PLEKHG7: variants seen among roughly 807,000 people sequenced by gnomAD.
The protein encoded by PLEKHG7 is pleckstrin homology and RhoGEF domain containing G7, also known as pleckstrin homology domain-containing family G member 7.
Under a neutral mutation model 85.2 loss-of-function variants are expected in PLEKHG7, and 77 were observed. The ratio of observed to expected loss-of-function variants is 0.90; its 90% CI spans 0.75 to 1.09. The LOEUF is 1.09. Among genes scored for constraint, PLEKHG7 ranks in the 50% least tolerant of loss-of-function variants. The pLI, the probability that PLEKHG7 is intolerant of heterozygous loss-of-function variation, is 0.00. For missense variants in PLEKHG7, 777 were observed against 804.3 expected (o/e 0.97, Z 0.41); for synonymous variants, 301 against 302.4 (o/e 1.00, Z 0.05).
At position 92,737,468 on chromosome 12, in the gene PLEKHG7, C is replaced by T; in HGVS notation, c.886C>T (p.Leu296Phe). ...AAAGCAGCAAGAGGCCGTGTGGGAA[C>T]TTTTCACAAGTGAATGCACCTATTT... ...LKKQQEAVWE[L>F]FTSECTYFLD... The change falls in exon 7 of 17, where the codon CTT becomes TTT. Residue 296 changes from leucine (L) to phenylalanine (F), a missense_variant. Coordinates refer to ENST00000344636, the MANE Select transcript of PLEKHG7 (RefSeq NM_001377329.1). 6.3e-7 allele frequency: 1 copy of T among 1,595,118 alleles called. No homozygotes were observed. Among genetic ancestry groups the T allele is most frequent in the Non-Finnish European group, 8.5e-7 (1 of 1,175,498 alleles).
intron 3 of PLEKHG7, among the ~76,000 whole-genome samples, chr12:92,726,491 CA>C (rs1871822563): frequency 6.6e-6 from 1 of 152,132 alleles, no homozygotes; most frequent in Non-Finnish European, 1.5e-5. Flanking sequence ...GGTCAGTAAA[CA>C]GAAGAAATTG....
chr12:92,720,189 G>C (rs150394573), intron 3 of PLEKHG7, among the ~76,000 whole-genome samples: 97 of 152,284 alleles, frequency 6.4e-4, no homozygotes, highest in African/African-American at 2.3e-3. Flanking sequence ...CACTTCCCCT[G>C]AAGGCTCTAG....
intron 10 of PLEKHG7, 102 bp from the exon 11 acceptor site, chr12:92,753,988 C>T: frequency 8.5e-7 from 1 of 1,176,554 alleles, no homozygotes; most frequent in Non-Finnish European, 1.2e-6. Context: ...GTAGGTCCTG[C>T]AGTTACTGAG....
At chr12:92,760,415 C>A (rs1384209068) in intron 13 of PLEKHG7, among the ~76,000 whole-genome samples, 1 of 152,042 alleles carries the variant, frequency 6.6e-6, no homozygotes, top group African/African-American at 2.4e-5. Flanking sequence ...AATCTTTTCT[C>A]TAAACTTAAA....
intron 7 of PLEKHG7, among the ~76,000 whole-genome samples, chr12:92,740,562 T>C (rs1037183727): frequency 3.9e-5 from 6 of 152,212 alleles, no homozygotes; most frequent in Admixed American, 6.5e-5. Context: ...GGGATTTCTT[T>C]GGCACTAGAA....
At chr12:92,767,944 G>A (rs1873258262) in intron 15 of PLEKHG7, among the ~76,000 whole-genome samples, 3 of 152,124 alleles carry the variant, frequency 2.0e-5, no homozygotes, top group African/African-American at 7.2e-5. Context: ...GGTGGCTCAT[G>A]CCTATAATCC....
intron 3 of PLEKHG7, among the ~76,000 whole-genome samples, chr12:92,712,311 G>C (rs1871380811): frequency 6.6e-6 from 1 of 152,192 alleles, no homozygotes; most frequent in African/African-American, 2.4e-5. Context: ...TATATTGCTG[G>C]CCTTGCTAGC....
intron 10 of PLEKHG7, among the ~76,000 whole-genome samples, chr12:92,750,688 G>T (rs768369454): frequency 6.6e-6 from 1 of 152,156 alleles, no homozygotes; most frequent in East Asian, 1.9e-4. Context: ...GAACGCTGCT[G>T]CCCGTGAGTC....
At chr12:92,736,707 G>A in intron 6 of PLEKHG7, 130 bp downstream of exon 6, 1 of 484,900 alleles carries the variant, frequency 2.1e-6, no homozygotes, top group East Asian at 3.5e-5. Flanking sequence ...AAATGCAAGA[G>A]AGGAACCCAG....
intron 11 of PLEKHG7, among the ~76,000 whole-genome samples, chr12:92,754,835 AT>A (rs1256471185): frequency 6.6e-6 from 1 of 152,040 alleles, no homozygotes; most frequent in East Asian, 1.9e-4. Context: ...AAAAACCAAG[AT>A]TTTCCTCGTG....
chr12:92,765,339 A>G (rs1412808202), intron 15 of PLEKHG7, among the ~76,000 whole-genome samples: 1 of 151,338 alleles, frequency 6.6e-6, no homozygotes, highest in East Asian at 1.9e-4. Flanking sequence ...AAAAAAAAAA[A>G]AAAAAATAGG....
intron 3 of PLEKHG7, among the ~76,000 whole-genome samples, chr12:92,713,623 G>A (rs984785002): frequency 2.0e-5 from 3 of 152,182 alleles, no homozygotes; most frequent in African/African-American, 7.2e-5. Flanking sequence ...CAAAAATGCA[G>A]GTCCTGCCCT....
chr12:92,740,239 G>A (rs1872310454), intron 7 of PLEKHG7, among the ~76,000 whole-genome samples: 1 of 152,178 alleles, frequency 6.6e-6, no homozygotes, highest in African/African-American at 2.4e-5. Context: ...TTTATAGAAT[G>A]AAGGGCAGGC....
Position 92,706,519 on chromosome 12 carries a change from G to C in PLEKHG7, c.-113G>C. 7.6e-7 allele frequency: 1 copy of C among 1,311,950 alleles called. No homozygotes were observed. Among genetic ancestry groups the C allele is most frequent in the Non-Finnish European group, 1.0e-6 (1 of 967,914 alleles). 81.3% of individuals were successfully genotyped at this position (1,311,950 alleles called of 1,614,324 possible). ...TCCTCTGGAAAAGGAAAAGAACTAC[G>C]AGAGGAAGCATGGCACTTGGATGCA... is the stretch of plus-strand genomic sequence containing the variant. On this transcript the variant is annotated 5_prime_UTR_variant, in exon 2 of 17. Coordinates refer to ENST00000344636, the MANE Select transcript of PLEKHG7 (RefSeq NM_001377329.1).
rs140495069 is a variant in PLEKHG7, at chr12:92,759,032, A to AAT, written c.1636+2642_1636+2643dup. On this transcript the variant is annotated intron_variant, in intron 13 of 16. Coordinates refer to ENST00000344636, the MANE Select transcript of PLEKHG7 (RefSeq NM_001377329.1). ...TATAAATGTTATTGCTGCTGCTGAT[A>AAT]ATGATGATGACAATGAGGATGAAAA... Among the ~76,000 whole-genome samples, 977 of 152,322 alleles carry AAT rather than the reference A, an allele frequency of 6.4e-3. 6 individuals are homozygous for AAT. The highest frequency in any genetic ancestry group is 8.7e-3 in the Non-Finnish European group (591 of 68,014).
intron 13 of PLEKHG7, 90 bp from the exon 14 acceptor site, chr12:92,761,655 AAAGAAAG>A (rs938846228): frequency 2.5e-6 from 3 of 1,214,932 alleles, no homozygotes; most frequent in Non-Finnish European, 2.2e-6. Flanking sequence ...AGAAAGAAAG[AAAGAAAG>A]AAAGAAAGAA....
chr12:92,708,978 T>C (rs1339668053), intron 3 of PLEKHG7, among the ~76,000 whole-genome samples: 1 of 152,216 alleles, frequency 6.6e-6, no homozygotes, highest in Admixed American at 6.5e-5. Flanking sequence ...AGTTCAGTTG[T>C]GTCAAAGAAA....
chr12:92,743,191 A>G (rs889929614), intron 9 of PLEKHG7, among the ~76,000 whole-genome samples: 44 of 152,140 alleles, frequency 2.9e-4, no homozygotes, highest in Admixed American at 2.7e-3. Context: ...TGAAATGGCC[A>G]CTACCTGGAA....
intron 10 of PLEKHG7, among the ~76,000 whole-genome samples, chr12:92,746,787 C>G (rs1872545946): frequency 6.6e-6 from 1 of 152,192 alleles, no homozygotes; most frequent in Non-Finnish European, 1.5e-5. Flanking sequence ...AGAAACAACA[C>G]TCTCTTGAGT....
Sources: allele counts gnomAD v4.1 joint callset (sites outside exome capture counted in the v4.1 genomes callset), GRCh38; gene constraint gnomAD v4.1.1; transcripts MANE v1.5; gene names NCBI Gene and HGNC (gene_info 2026-07-23, HGNC 2026-07-21).